The following SIX3 variants were observed in gnomAD, a reference collection of about 807,000 sequenced individuals.
SIX3 encodes homeobox protein SIX3.
A neutral mutation model predicts 21.7 loss-of-function variants in SIX3; 2 were observed. The ratio of observed to expected loss-of-function variants is 0.09; its 90% confidence interval spans 0.04 to 0.29. SIX3 has a LOEUF of 0.29. Among genes scored for constraint, SIX3 ranks in the 10% least tolerant of loss-of-function variants. The pLI, the probability that SIX3 is intolerant of heterozygous loss-of-function variation, is 1.00. For synonymous variants in SIX3, 243 were observed against 220.6 expected, an observed-to-expected ratio of 1.10 and a Z score of -0.90; for missense variants, 347 against 480.7, an observed-to-expected ratio of 0.72 and a Z score of 2.60.
chr2:44,944,646 G>A lies in SIX3; in HGVS notation c.885G>A (p.Glu295=). 1 of 1,574,738 alleles carries A rather than the reference G, an allele frequency of 6.4e-7. No homozygotes were observed. Among genetic ancestry groups the A allele is most frequent in the East Asian group, 2.3e-5 (1 of 42,860 alleles). Residue 295 remains glutamate (E), a synonymous_variant, in exon 2 of 2, where the codon GAG becomes GAA. Transcript: ENST00000260653. ...GCTGCCCCACGCACGGCTCGGCAGA[G>A]TCGCCGTCCACGGCGGCCAGCCCGA... ...EPGCPTHGSA[E]SPSTAASPTT... is the part of the protein sequence containing the mutation.
intron 1 of SIX3, 108 bp downstream of exon 1, chr2:44,943,018 C>A: frequency 6.9e-7 from 1 of 1,447,688 alleles, no homozygotes; most frequent in East Asian, 2.5e-5. Context: ...GAAGCCGTGA[C>A]TCCTGGCCAG....
At chr2:44,943,451 G>T (rs531204369) in intron 1 of SIX3, among the ~76,000 whole-genome samples, 1 of 152,252 alleles carries the variant, frequency 6.6e-6, no homozygotes, top group Non-Finnish European at 1.5e-5. Flanking sequence ...AGCCGGGCTG[G>T]GAGTGGAGAG....
In SIX3 at chr2:44,942,925, C is replaced by A; in HGVS notation, c.806+15C>A. 1 of 1,593,948 alleles carries A rather than the reference C, an allele frequency of 6.3e-7. No homozygotes were observed. The highest frequency in any genetic ancestry group is 8.5e-7 in the Non-Finnish European group (1 of 1,177,758). On this transcript the variant is annotated intron_variant, in intron 1 of 1. Coordinates refer to ENST00000260653, the MANE Select transcript of SIX3 (RefSeq NM_005413.4). This position sits in a 1 kb window ranked among gnomAD's most constrained non-coding sequence, Gnocchi z 8.4. ...GCCAAGAACAGGTTAGTGGCGGGGCCCGCGGCCTGGCTACAGCCTCAGAGG... is the reference window on the plus strand; with the variant it reads ...GCCAAGAACAGGTTAGTGGCGGGGCACGCGGCCTGGCTACAGCCTCAGAGG...
Position 44,945,127 on chromosome 2 carries a change from G to C in SIX3, c.*367G>C, listed in dbSNP as rs1251199210. 3.5e-6 allele frequency: 1 copy of C among 281,768 alleles called. No individual in the cohort carries two copies. The highest frequency in any genetic ancestry group is 6.7e-6 in the Non-Finnish European group (1 of 149,002). 17.5% of individuals were successfully genotyped at this position (281,768 alleles called of 1,614,324 possible). A position where few individuals can be genotyped will look rare whatever the true frequency, so the allele number is the denominator to read the frequency against. On this transcript the variant is annotated 3_prime_UTR_variant, in exon 2 of 2. Coordinates refer to ENST00000260653, the MANE Select transcript of SIX3 (RefSeq NM_005413.4). ...TAGGACAAGCACGGCTTCTCCTTTC[G>C]GTTCCCATGGACCCGGCACCCCACC... is the stretch of plus-strand genomic sequence containing the variant.
rs750836683 is a variant in SIX3, at chr2:44,942,425, G to C, written c.321G>C (p.Arg107=). The C allele has an allele frequency of 6.3e-7, 1 of 1,597,588 alleles. No individual in the cohort carries two copies. The highest frequency in any genetic ancestry group is 1.3e-5 in the African/African-American group (1 of 74,918). Reference sequence around the variant, plus strand: ...TGGAGGAGACGGGCGACATCGAGCGGCTGGGCCGCTTCCTCTGGTCGCTGC... The same window carrying C: ...TGGAGGAGACGGGCGACATCGAGCGCCTGGGCCGCTTCCTCTGGTCGCTGC... The part of the protein sequence containing the change: ...ETLEETGDIE[R]LGRFLWSLPV... The change falls in exon 1 of 2, where the codon CGG becomes CGC. Residue 107 remains arginine (R), a synonymous_variant. Coordinates refer to ENST00000260653, the MANE Select transcript of SIX3 (RefSeq NM_005413.4). The surrounding 1 kb of genome is among the most constrained non-coding windows in gnomAD (Gnocchi z 8.4).
chr2:44,945,634 A>T lies in SIX3; in HGVS notation c.*874A>T, dbSNP rs1051031139. 2 of 152,198 alleles carry T rather than the reference A, an allele frequency of 1.3e-5. No individual in the cohort carries two copies. The highest frequency in any genetic ancestry group is 2.9e-5 in the Non-Finnish European group (2 of 68,032). 9.4% of individuals were successfully genotyped at this position (152,198 alleles called of 1,614,324 possible). A position where few individuals can be genotyped will look rare whatever the true frequency, so the allele number is the denominator to read the frequency against. On this transcript the variant is annotated 3_prime_UTR_variant, in exon 2 of 2. Transcript: ENST00000260653. ...GTAACAGATTTTTATTTTTATTTCA[A>T]AATTTTATATGAATTATGTATATCT...
Position 44,941,886 on chromosome 2 carries a change from C to G in SIX3, c.-219C>G. 1 of 478,634 alleles carries G rather than the reference C, an allele frequency of 2.1e-6. No homozygotes were observed. Among genetic ancestry groups the G allele is most frequent in the South Asian group, 2.4e-5 (1 of 42,164 alleles). 29.6% of individuals were successfully genotyped at this position (478,634 alleles called of 1,614,324 possible). A position where few individuals can be genotyped will look rare whatever the true frequency, so the allele number is the denominator to read the frequency against. On this transcript the variant is annotated 5_prime_UTR_variant, in exon 1 of 2. Transcript: ENST00000260653. ...CCGGGCCGCTCTCCTACCTCCCTCTCTATGTGGCTGCGCGGGTGTGTGTGT... is the reference window on the plus strand; with the variant it reads ...CCGGGCCGCTCTCCTACCTCCCTCTGTATGTGGCTGCGCGGGTGTGTGTGT...
chr2:44,943,600 C>T (rs1440623504), intron 1 of SIX3, among the ~76,000 whole-genome samples: 2 of 152,286 alleles, frequency 1.3e-5, no homozygotes, highest in South Asian at 4.1e-4. Flanking sequence ...AAGTTGGCCA[C>T]AAAGTCACAA....
At chr2:44,943,172 A>C (rs993133111) in intron 1 of SIX3, among the ~76,000 whole-genome samples, 21 of 152,056 alleles carry the variant, frequency 1.4e-4, no homozygotes, top group Non-Finnish European at 4.4e-5. Context: ...CCCCTGGGAG[A>C]CTTAGCCCTG....
Position 44,945,253 on chromosome 2 carries a change from G to C in SIX3, c.*493G>C, listed in dbSNP as rs554967490. 7.4e-6 allele frequency: 1 copy of C among 134,476 alleles called. No homozygotes were observed. Among genetic ancestry groups the C allele is most frequent in the Non-Finnish European group, 1.5e-5 (1 of 66,042 alleles). 8.3% of individuals were successfully genotyped at this position (134,476 alleles called of 1,614,324 possible). A position where few individuals can be genotyped will look rare whatever the true frequency, so the allele number is the denominator to read the frequency against. ...ATCAATCACCACCACGAGGACAAGA[G>C]GGCAAAAGCAAAACAGACAAAAAGA... On this transcript the variant is annotated 3_prime_UTR_variant, in exon 2 of 2. Transcript: ENST00000260653.
In SIX3 at chr2:44,944,591, C is replaced by A. The variant is rs575632344; in HGVS notation, c.830C>A (p.Pro277Gln). The change falls in exon 2 of 2, where the codon CCG becomes CAG. Residue 277 changes from proline (P) to glutamine (Q), a missense_variant. Pro to Gln is a moderately conservative substitution (Grantham distance 76). Coordinates refer to ENST00000260653, the MANE Select transcript of SIX3 (RefSeq NM_005413.4). ...KNRLQHQAIGPSGMRSLAEPG... is the reference protein window; with the variant it reads ...KNRLQHQAIGQSGMRSLAEPG... ...AGGCTCCAGCACCAGGCCATTGGAC[C>A]GAGCGGCATGCGCTCGCTGGCCGAG... 102 of 1,578,640 alleles carry A rather than the reference C, an allele frequency of 6.5e-5. No homozygotes were observed. The East Asian group carries it at 1.8e-3, about 28-fold the overall frequency.
Position 44,942,803 on chromosome 2 carries a change from C to T in SIX3, c.699C>T (p.Pro233=). 6.3e-7 allele frequency: 1 copy of T among 1,599,680 alleles called. No individual in the cohort carries two copies. Among genetic ancestry groups the T allele is most frequent in the Non-Finnish European group, 8.5e-7 (1 of 1,179,912 alleles). ...ACCTACAGGACCCCTACCCCAACCC[C>T]AGCAAGAAACGCGAACTGGCGCAGG... ...EWYLQDPYPN[P]SKKRELAQAT... is the part of the protein sequence containing the mutation. Residue 233 remains proline, a synonymous_variant, in exon 1 of 2, where the codon CCC becomes CCT. Transcript: ENST00000260653. The surrounding 1 kb of genome is among the most constrained non-coding windows in gnomAD (Gnocchi z 8.4).
chr2:44,941,918 A>C lies in SIX3; in HGVS notation c.-187A>C. On this transcript the variant is annotated 5_prime_UTR_variant, in exon 1 of 2. The change abolishes an upstream ATG in the 5' untranslated region. Coordinates refer to ENST00000260653, the MANE Select transcript of SIX3 (RefSeq NM_005413.4). Reference sequence around the variant, plus strand: ...GCTGCGCGGGTGTGTGTGTGTGTGGATGTGTGTGGGGTGTGGGTGTCCCTT... The same window carrying C: ...GCTGCGCGGGTGTGTGTGTGTGTGGCTGTGTGTGGGGTGTGGGTGTCCCTT... 1 of 557,754 alleles carries C rather than the reference A, an allele frequency of 1.8e-6. No homozygotes were observed. The highest frequency in any genetic ancestry group is 3.5e-5 in the East Asian group (1 of 28,828). 34.6% of individuals were successfully genotyped at this position (557,754 alleles called of 1,614,324 possible).
Position 44,942,995 on chromosome 2 carries a change from G to T in SIX3, c.806+85G>T. On this transcript the variant is annotated intron_variant, in intron 1 of 1. Transcript: ENST00000260653. The surrounding 1 kb of genome is among the most constrained non-coding windows in gnomAD (Gnocchi z 8.4). Reference sequence around the variant, plus strand: ...TTGAGATGGGGCTAGCGGAGCGGCCGCTGAGAGCCAGGGAAGCCGTGACTC... The same window carrying T: ...TTGAGATGGGGCTAGCGGAGCGGCCTCTGAGAGCCAGGGAAGCCGTGACTC... The T allele has an allele frequency of 2.0e-6, 3 of 1,488,384 alleles. No individual in the cohort carries two copies. The highest frequency in any genetic ancestry group is 4.9e-5 in the East Asian group (2 of 41,046). The allele number at this position is 1,488,384 out of a possible 1,614,324, so 92.2% of individuals were successfully genotyped here.
At chr2:44,943,559 G>T (rs1483340742) in intron 1 of SIX3, among the ~76,000 whole-genome samples, 2 of 152,224 alleles carry the variant, frequency 1.3e-5, no homozygotes, top group Admixed American at 6.5e-5. Flanking sequence ...CTCTAAGCTG[G>T]GAAGCGGGCA....
Position 44,945,126 on chromosome 2 carries a change from C to A in SIX3, c.*366C>A. ...CTAGGACAAGCACGGCTTCTCCTTT[C>A]GGTTCCCATGGACCCGGCACCCCAC... On this transcript the variant is annotated 3_prime_UTR_variant, in exon 2 of 2. Coordinates refer to ENST00000260653, the MANE Select transcript of SIX3 (RefSeq NM_005413.4). 3.6e-6 allele frequency: 1 copy of A among 278,150 alleles called. No individual in the cohort carries two copies. The highest frequency in any genetic ancestry group is 6.8e-6 in the Non-Finnish European group (1 of 146,474). The allele number at this position is 278,150 out of a possible 1,614,324, so 17.2% of individuals were successfully genotyped here. A position where few individuals can be genotyped will look rare whatever the true frequency, so the allele number is the denominator to read the frequency against.
Position 44,942,267 on chromosome 2 carries a change from G to C in SIX3, c.163G>C (p.Gly55Arg), listed in dbSNP as rs1386445319. ...CGGCAGCGGCGGCGGGAACGGTGCG[G>C]GAGGCGGCGGTGCTGGCGGAGCAGG... is the stretch of plus-strand genomic sequence containing the variant. Reference protein sequence around the residue: ...GGGSGGGNGAGGGGAGGAGGG... With the variant: ...GGGSGGGNGARGGGAGGAGGG... The change falls in exon 1 of 2, where the codon GGA becomes CGA. Residue 55 changes from glycine (G) to arginine (R), a missense_variant. Transcript: ENST00000260653. This position sits in a 1 kb window ranked among gnomAD's most constrained non-coding sequence, Gnocchi z 8.4. The C allele has an allele frequency of 6.5e-7, 1 of 1,540,758 alleles. No individual in the cohort carries two copies. The highest frequency in any genetic ancestry group is 8.7e-7 in the Non-Finnish European group (1 of 1,149,868).
chr2:44,942,542 C>A lies in SIX3; in HGVS notation c.438C>A (p.Arg146=), dbSNP rs1373765560. The change falls in exon 1 of 2, where the codon CGC becomes CGA. Residue 146 remains arginine (R), a synonymous_variant. Coordinates refer to ENST00000260653, the MANE Select transcript of SIX3 (RefSeq NM_005413.4). This position sits in a 1 kb window ranked among gnomAD's most constrained non-coding sequence, Gnocchi z 8.4. ...TCGCCTTCCACACGGGCAACTTCCG[C>A]GACCTCTACCACATCCTTGAGAACC... ...AVVAFHTGNF[R]DLYHILENHK... The A allele has an allele frequency of 6.3e-7, 1 of 1,598,458 alleles. No individual in the cohort carries two copies. The highest frequency in any genetic ancestry group is 1.3e-5 in the African/African-American group (1 of 74,926).
chr2:44,944,966 A>C lies in SIX3; in HGVS notation c.*206A>C. On this transcript the variant is annotated 3_prime_UTR_variant, in exon 2 of 2. Coordinates refer to ENST00000260653, the MANE Select transcript of SIX3 (RefSeq NM_005413.4). ...TATATAAAAAACAAGAAAATAACAA[A>C]TTAACCGCAAACTATCAACAACCCC... 5 of 597,386 alleles carry C rather than the reference A, an allele frequency of 8.4e-6. No individual in the cohort carries two copies. The highest frequency in any genetic ancestry group is 2.9e-5 in the East Asian group (1 of 34,606). The allele number at this position is 597,386 out of a possible 1,614,324, so 37.0% of individuals were successfully genotyped here.
Sources: allele counts gnomAD v4.1 joint callset (sites outside exome capture counted in the v4.1 genomes callset), GRCh38; gene constraint gnomAD v4.1.1; non-coding constraint Gnocchi (gnomAD v3.1); transcripts MANE v1.5; gene names NCBI Gene and HGNC (gene_info 2026-07-23, HGNC 2026-07-21).